USP20: variants seen among roughly 807,000 people sequenced by gnomAD.
USP20 encodes the protein ubiquitin carboxyl-terminal hydrolase 20.
A neutral mutation model predicts 124.2 loss-of-function variants in USP20; 80 were observed. The ratio of observed to expected loss-of-function variants is 0.64; its 90% CI spans 0.54 to 0.78. USP20 has a LOEUF of 0.78. Ranked by LOEUF, USP20 falls within the 30% of genes least tolerant of loss-of-function variation. The pLI, the probability that USP20 is intolerant of heterozygous loss-of-function variation, is 0.00. For missense variants in USP20, 1,043 were observed against 1,244.4 expected, an observed-to-expected ratio of 0.84 and a Z score of 2.44; for synonymous variants, 481 against 512.3, an observed-to-expected ratio of 0.94 and a Z score of 0.83.
intron 7 of USP20, 107 bp downstream of exon 7, chr9:129,861,140 C>A: frequency 9.5e-7 from 1 of 1,054,594 alleles, no homozygotes; most frequent in Non-Finnish European, 1.4e-6. Flanking sequence ...GCTATATGGG[C>A]AAGGAAGGAT....
chr9:129,869,013 C>T lies in USP20; in HGVS notation c.1276+11C>T. 4.4e-6 allele frequency: 7 copies of T among 1,594,456 alleles called. No individual in the cohort carries two copies. Among genetic ancestry groups the T allele is most frequent in the Non-Finnish European group, 6.0e-6 (7 of 1,168,428 alleles). ...ACGTGCTCAAGAAAGGTTCGGGGGG[C>T]ACGGGAGGGTGGGTCAGCTTGAGGC... On this transcript the variant is annotated intron_variant, in intron 12 of 25. Coordinates refer to ENST00000372429, the MANE Select transcript of USP20 (RefSeq NM_001110303.4).
chr9:129,872,299 C>T (rs1411951033), intron 15 of USP20, among the ~76,000 whole-genome samples: 1 of 151,858 alleles, frequency 6.6e-6, no homozygotes, highest in Non-Finnish European at 1.5e-5. Flanking sequence ...ATTATAGGCA[C>T]GTGCCACCAC....
At chr9:129,877,237 G>T (rs555550177) in intron 22 of USP20, among the ~76,000 whole-genome samples, 9 of 152,226 alleles carry the variant, frequency 5.9e-5, no homozygotes, top group Non-Finnish European at 1.2e-4. Context: ...TGATTCTGCT[G>T]CCTGGGCATG....
intron 22 of USP20, among the ~76,000 whole-genome samples, chr9:129,877,667 C>A (rs939987552): frequency 1.3e-5 from 2 of 151,960 alleles, no homozygotes; most frequent in African/African-American, 2.4e-5. Context: ...CGCTGCACTC[C>A]CGCCTGGGCA....
At chr9:129,842,930 C>T (rs1200155503) in intron 1 of USP20, among the ~76,000 whole-genome samples, 4 of 152,026 alleles carry the variant, frequency 2.6e-5, no homozygotes, top group African/African-American at 9.7e-5. Flanking sequence ...GTTTTCTGTA[C>T]TACCGCCCTT....
At chr9:129,851,987 A>T (rs1168210079) in intron 2 of USP20, among the ~76,000 whole-genome samples, 1 of 148,188 alleles carries the variant, frequency 6.7e-6, no homozygotes, top group African/African-American at 2.6e-5. Flanking sequence ...CTGGTGTTCA[A>T]ACCTCACTCC....
chr9:129,838,189 C>G (rs2031978324), intron 1 of USP20, among the ~76,000 whole-genome samples: 1 of 151,902 alleles, frequency 6.6e-6, no homozygotes, highest in Non-Finnish European at 1.5e-5. Context: ...TTACAGGCGC[C>G]CACCACCACA....
intron 10 of USP20, among the ~76,000 whole-genome samples, chr9:129,867,514 C>T (rs767873377): frequency 6.9e-4 from 105 of 152,206 alleles, no homozygotes; most frequent in Non-Finnish European, 1.1e-3. Flanking sequence ...AGCATGCAGG[C>T]AGTCTGGCCT....
intron 4 of USP20, among the ~76,000 whole-genome samples, chr9:129,857,037 CTG>C (rs2033250359): frequency 1.3e-5 from 2 of 151,622 alleles, no homozygotes. Flanking sequence ...CTAAAAATGA[CTG>C]TTACTTAAAA....
chr9:129,846,247 A>ATTTTTTTTTTTTT (rs35809246), intron 1 of USP20, among the ~76,000 whole-genome samples: 1 of 32,664 alleles, frequency 3.1e-5, no homozygotes, highest in African/African-American at 1.2e-4. Context: ...ATATATATAT[A>ATTTTTTTTTTTTT]TTTTTTTTTT....
chr9:129,840,165 G>A (rs557713812), intron 1 of USP20, among the ~76,000 whole-genome samples: 8 of 152,370 alleles, frequency 5.3e-5, no homozygotes, highest in African/African-American at 1.7e-4. Flanking sequence ...CTGGAAGCAC[G>A]TTCTTTCAGC....
At position 129,839,696 on chromosome 9, in the gene USP20, T is replaced by A. The variant is rs7023281; in HGVS notation, c.-129+4197T>A. ...AGGGCTGTGGGCATCGTTGTGTGGG[T>A]GGGAGGCCCAGAAGTGTCGCCCTCC... On this transcript the variant is annotated intron_variant, in intron 1 of 25. Coordinates refer to ENST00000372429, the MANE Select transcript of USP20 (RefSeq NM_001110303.4). The surrounding 1 kb of genome is among the most constrained non-coding windows in gnomAD (Gnocchi z 4.5). Among the ~76,000 whole-genome samples the A allele has an allele frequency of 0.19, 28,485 of 151,804 alleles. 3,193 individuals are homozygous for A. Among genetic ancestry groups the A allele is most frequent in the South Asian group, 0.26 (1,261 of 4,804 alleles).
In USP20 at chr9:129,878,726, G is replaced by C. The variant is rs1306186700; in HGVS notation, c.2512+286G>C. 2.6e-5 allele frequency among the ~76,000 whole-genome samples: 4 copies of C among 152,300 alleles called. No homozygotes were observed. The East Asian group carries it at 7.7e-4, about 29-fold the overall frequency. Reference sequence around the variant, plus strand: ...GCCCTCCTGCAAGGCCCTTTCCTCAGGGGAGTGTGTCGCCCGAAATGACAG... The same window carrying C: ...GCCCTCCTGCAAGGCCCTTTCCTCACGGGAGTGTGTCGCCCGAAATGACAG... On this transcript the variant is annotated intron_variant, in intron 23 of 25. Transcript: ENST00000372429.
At chr9:129,838,780 T>C (rs1028534406) in intron 1 of USP20, among the ~76,000 whole-genome samples, 7 of 152,162 alleles carry the variant, frequency 4.6e-5, no homozygotes, top group Non-Finnish European at 7.3e-5. Flanking sequence ...TGCTCATGCT[T>C]ACTCACCACT....
In USP20 at chr9:129,863,164, G is replaced by GCT. The variant is rs760585878; in HGVS notation, c.498-14_498-13dup. 1.2e-4 allele frequency: 186 copies of GCT among 1,500,890 alleles called. 1 individual carries two copies. The South Asian group carries it at 1.4e-3, about 11-fold the overall frequency. The allele number at this position is 1,500,890 out of a possible 1,614,324, so 93.0% of individuals were successfully genotyped here. A position where few individuals can be genotyped will look rare whatever the true frequency, so the allele number is the denominator to read the frequency against. On this transcript the variant is annotated intron_variant, in intron 8 of 25. Transcript: ENST00000372429. ...ATGCCTCATTTGCTCTCCTGACCTG[G>GCT]CTCTCTCTCCCCTGCACCCAGCCCG...
chr9:129,866,392 A>G (rs1296027943), intron 10 of USP20, among the ~76,000 whole-genome samples: 1 of 152,230 alleles, frequency 6.6e-6, no homozygotes, highest in Non-Finnish European at 1.5e-5. Context: ...CTTAGTCCTC[A>G]TAGAAGTCTC....
rs752193950 is a variant in USP20, at chr9:129,858,521, G to A, written c.253G>A (p.Ala85Thr). The change falls in exon 6 of 26, where the codon GCC becomes ACC. Residue 85 changes from alanine (A) to threonine (T), a missense_variant. Ala to Thr is a moderately conservative substitution (Grantham distance 58). Transcript: ENST00000372429. ...GACCACGTTCCGACTGTGGTGTTAC[G>A]CCTGTGAGAAGGAGGTATTCCTGGA... Reference protein sequence around the residue: ...NLTTFRLWCYACEKEVFLEQR... With the variant: ...NLTTFRLWCYTCEKEVFLEQR... 10 of 1,614,174 alleles carry A rather than the reference G, an allele frequency of 6.2e-6. No individual in the cohort carries two copies. In the East Asian group the frequency reaches 8.9e-5, roughly 14 times the overall value.
intron 1 of USP20, among the ~76,000 whole-genome samples, chr9:129,841,117 G>T (rs13297359): frequency 0.17 from 26,569 of 152,188 alleles, 2,793 homozygotes; most frequent in Non-Finnish European, 0.23. Context: ...TCCCAGACCT[G>T]CCATAACAAA....
intron 1 of USP20, among the ~76,000 whole-genome samples, 192 bp from the exon 2 acceptor site, chr9:129,849,621 G>A (rs2032785059): frequency 6.6e-6 from 1 of 152,102 alleles, no homozygotes; most frequent in Non-Finnish European, 1.5e-5. Context: ...AAATTAGGTG[G>A]GTGTGGTGGT....
Sources: allele counts gnomAD v4.1 joint callset (sites outside exome capture counted in the v4.1 genomes callset), GRCh38; gene constraint gnomAD v4.1.1; non-coding constraint Gnocchi (gnomAD v3.1); transcripts MANE v1.5; gene names NCBI Gene and HGNC (gene_info 2026-07-23, HGNC 2026-07-21).